C12orf54: variants seen among roughly 807,000 people sequenced by gnomAD.
The protein encoded by C12orf54 is uncharacterized protein C12orf54.
Under a neutral mutation model 26.4 loss-of-function variants are expected in C12orf54, and 24 were observed. The ratio of observed to expected loss-of-function variants is 0.91; its 90% CI spans 0.66 to 1.28. The LOEUF (loss-of-function observed/expected upper bound fraction) is 1.28. Among genes scored for constraint, C12orf54 ranks in the 50% most tolerant of loss-of-function variants. The probability of loss-of-function intolerance (pLI) is 0.00; values close to 1 mark genes in which losing one functional copy is unlikely to be tolerated. For synonymous variants in C12orf54, 54 were observed against 47.0 expected (o/e 1.15, Z -0.61); for missense variants, 154 against 150.9 (o/e 1.02, Z -0.11).
chr12:48,429,007 T>C, the C12orf54 span, among the ~76,000 whole-genome samples: 1 of 152,136 alleles, frequency 6.6e-6, no homozygotes, highest in African/African-American at 2.4e-5. Flanking sequence ...CAGAGACGGT[T>C]TAACATACGC....
chr12:48,435,262 G>A, the C12orf54 span, among the ~76,000 whole-genome samples: 1 of 152,314 alleles, frequency 6.6e-6, no homozygotes, highest in East Asian at 1.9e-4. Context: ...GGGACTATGT[G>A]AAAAGACCAA....
At chr12:48,450,968 C>T in the C12orf54 span, among the ~76,000 whole-genome samples, 1 of 152,046 alleles carries the variant, frequency 6.6e-6, no homozygotes, top group Non-Finnish European at 1.5e-5. Flanking sequence ...TCCTTCCTAG[C>T]TCATTCTATG....
the C12orf54 span, among the ~76,000 whole-genome samples, chr12:48,416,809 C>T: frequency 6.6e-6 from 1 of 151,924 alleles, no homozygotes; most frequent in Non-Finnish European, 1.5e-5. Flanking sequence ...TTGCAGTGGG[C>T]CTAGATTGTG....
chr12:48,434,480 A>G, the C12orf54 span, among the ~76,000 whole-genome samples: 4 of 152,236 alleles, frequency 2.6e-5, no homozygotes, highest in South Asian at 4.2e-4. Flanking sequence ...TGGGTCCCTG[A>G]CCCCCAAGTA....
chr12:48,473,386 CTG>C, the C12orf54 span: 1 of 959,156 alleles, frequency 1.0e-6, no homozygotes, highest in Admixed American at 2.1e-5. Context: ...AAATAAGAAA[CTG>C]AAGATGAGGG....
At chr12:48,494,759 C>G in intron 7 of C12orf54, 39 bp from the exon 8 acceptor site, 1 of 1,602,042 alleles carries the variant, frequency 6.2e-7, no homozygotes, top group Non-Finnish European at 8.5e-7. Context: ...GGTAAGATCT[C>G]TTTCCCTCAT....
the C12orf54 span, among the ~76,000 whole-genome samples, chr12:48,475,495 G>GA: frequency 1.4e-4 from 21 of 150,648 alleles, no homozygotes; most frequent in Admixed American, 2.6e-4. Context: ...TAAAAGCTTT[G>GA]AAAAAAAAAT....
At chr12:48,483,700 C>T (rs529528459) in intron 2 of C12orf54, among the ~76,000 whole-genome samples, 1 of 152,274 alleles carries the variant, frequency 6.6e-6, no homozygotes, top group Admixed American at 6.5e-5. Context: ...CATCTAAAAT[C>T]AAGCTTCTCT....
chr12:48,433,006 A>G, the C12orf54 span, among the ~76,000 whole-genome samples: 32 of 152,360 alleles, frequency 2.1e-4, no homozygotes, highest in Admixed American at 2.0e-3. Flanking sequence ...GACAGATACA[A>G]GATCAATGTA....
chr12:48,473,102 C>A, the C12orf54 span: 1 of 1,613,298 alleles, frequency 6.2e-7, no homozygotes, highest in Non-Finnish European at 8.5e-7. Context: ...CATATCTCAA[C>A]GGCTGTGACC....
the C12orf54 span, among the ~76,000 whole-genome samples, chr12:48,422,354 A>G: frequency 6.6e-6 from 1 of 152,242 alleles, no homozygotes; most frequent in African/African-American, 2.4e-5. Flanking sequence ...TAGTTGCTAC[A>G]GTTTCTGCTT....
chr12:48,452,603 A>G, the C12orf54 span, among the ~76,000 whole-genome samples: 1 of 152,108 alleles, frequency 6.6e-6, no homozygotes, highest in Non-Finnish European at 1.5e-5. Context: ...CAATCTATGC[A>G]TCTGACAAAG....
chr12:48,444,357 CATT>C, the C12orf54 span, among the ~76,000 whole-genome samples: 1 of 152,180 alleles, frequency 6.6e-6, no homozygotes, highest in East Asian at 1.9e-4. Context: ...CCGCATCACT[CATT>C]ATAATTTGGA....
intron 5 of C12orf54, among the ~76,000 whole-genome samples, chr12:48,490,187 G>T (rs543169856): frequency 6.6e-6 from 1 of 152,214 alleles, no homozygotes; most frequent in Non-Finnish European, 1.5e-5. Context: ...AGTTATGACT[G>T]TAAGTGATGA....
At chr12:48,431,433 A>C in the C12orf54 span, among the ~76,000 whole-genome samples, 1 of 152,344 alleles carries the variant, frequency 6.6e-6, no homozygotes, top group East Asian at 1.9e-4. Flanking sequence ...TGAATGCTGA[A>C]TACATGAGTC....
At chr12:48,468,313 C>T in the C12orf54 span, among the ~76,000 whole-genome samples, 11 of 151,912 alleles carry the variant, frequency 7.2e-5, no homozygotes, top group Middle Eastern at 3.2e-3. Context: ...TCTGGCACAC[C>T]GGAGGGAAAG....
chr12:48,436,442 T>A, the C12orf54 span, among the ~76,000 whole-genome samples: 1 of 152,092 alleles, frequency 6.6e-6, no homozygotes, highest in South Asian at 2.1e-4. Flanking sequence ...CCACCCCAAA[T>A]CAACACAATA....
chr12:48,462,373 A>G, the C12orf54 span, among the ~76,000 whole-genome samples: 1 of 151,638 alleles, frequency 6.6e-6, no homozygotes, highest in Admixed American at 6.6e-5. Flanking sequence ...AGGAAGGAAT[A>G]CTTCTCAATT....
At chr12:48,456,036 G>A in the C12orf54 span, among the ~76,000 whole-genome samples, 6 of 152,146 alleles carry the variant, frequency 3.9e-5, no homozygotes, top group Non-Finnish European at 8.8e-5. Context: ...AAAAGTATAA[G>A]AGCATATAAA....
Sources: allele counts gnomAD v4.1 joint callset (sites outside exome capture counted in the v4.1 genomes callset), GRCh38; gene constraint gnomAD v4.1.1; transcripts MANE v1.5; gene names NCBI Gene and HGNC (gene_info 2026-07-23, HGNC 2026-07-21).